The following RTL4 variants were observed in gnomAD, a reference collection of about 807,000 sequenced individuals.
RTL4 encodes the protein retrotransposon Gag like 4.
Under a neutral mutation model 5.3 loss-of-function variants are expected in RTL4, and 4 were observed. That is an observed-to-expected ratio of 0.75 (90% CI 0.37 to 1.72). The LOEUF is 1.72. RTL4 is among the 40% of genes most tolerant of loss of function. The probability of loss-of-function intolerance (pLI) is 0.04; values close to 1 mark genes in which losing one functional copy is unlikely to be tolerated. For missense variants in RTL4, 260 were observed against 227.1 expected, an observed-to-expected ratio of 1.14 and a Z score of -0.93; for synonymous variants, 98 against 87.3, an observed-to-expected ratio of 1.12 and a Z score of -0.68.
the RTL4 span, among the ~76,000 whole-genome samples, chrX:112,145,046 A>G: frequency 2.7e-5 from 3 of 110,345 alleles, no homozygotes; most frequent in African/African-American, 9.9e-5. Flanking sequence ...CATCAGACCT[A>G]TTATCCTGAA....
chrX:112,375,677 G>T, the RTL4 span, among the ~76,000 whole-genome samples: 1 of 111,590 alleles, frequency 9.0e-6, no homozygotes. Context: ...AAACTTCTCT[G>T]CTGGACTGTC....
the RTL4 span, among the ~76,000 whole-genome samples, chrX:112,154,123 C>T: frequency 1.8e-5 from 2 of 110,917 alleles, no homozygotes; most frequent in African/African-American, 6.5e-5. Context: ...GATGCTGAGC[C>T]CTCTAGTGAA....
At chrX:112,134,397 C>G in the RTL4 span, among the ~76,000 whole-genome samples, 10 of 112,242 alleles carry the variant, frequency 8.9e-5, no homozygotes, top group African/African-American at 2.9e-4. Context: ...TCCTTACTCC[C>G]ATGATTTTAA....
At chrX:112,192,302 G>A in the RTL4 span, among the ~76,000 whole-genome samples, 23 of 110,375 alleles carry the variant, frequency 2.1e-4, no homozygotes, top group East Asian at 6.6e-3. Flanking sequence ...ATGTTGAGTA[G>A]AAATGATGAG....
the RTL4 span, among the ~76,000 whole-genome samples, chrX:112,240,694 A>G: frequency 1.2e-4 from 13 of 111,340 alleles, no homozygotes; most frequent in African/African-American, 3.9e-4. Context: ...ATTTTATTAT[A>G]CTTTAAGTTC....
At chrX:112,342,544 C>T in the RTL4 span, among the ~76,000 whole-genome samples, 4 of 82,030 alleles carry the variant, frequency 4.9e-5, no homozygotes, top group African/African-American at 1.3e-4. Context: ...TTGAACATCT[C>T]CAGGGAAAGC....
At chrX:112,190,144 CTTTCTTT>C in the RTL4 span, among the ~76,000 whole-genome samples, 1 of 28,706 alleles carries the variant, frequency 3.5e-5, no homozygotes, top group African/African-American at 1.7e-4. Flanking sequence ...CTGTCCCTTT[CTTTCTTT>C]CTTTCTTTCT....
the RTL4 span, among the ~76,000 whole-genome samples, chrX:112,368,628 T>C: frequency 9.1e-6 from 1 of 110,489 alleles, no homozygotes; most frequent in South Asian, 3.9e-4. Flanking sequence ...CGACGATGCA[T>C]AGGGTAACCT....
chrX:112,240,555 G>A, the RTL4 span, among the ~76,000 whole-genome samples: 2 of 111,779 alleles, frequency 1.8e-5, no homozygotes, highest in African/African-American at 6.5e-5. Flanking sequence ...ATTGAATACT[G>A]TACTGAAAGT....
At chrX:112,288,440 T>C in the RTL4 span, among the ~76,000 whole-genome samples, 1 of 112,079 alleles carries the variant, frequency 8.9e-6, no homozygotes, top group South Asian at 3.7e-4. Context: ...TATGGCTTGT[T>C]TGTAGCAGTT....
the RTL4 span, among the ~76,000 whole-genome samples, chrX:112,273,532 G>A: frequency 8.9e-6 from 1 of 111,784 alleles, no homozygotes; most frequent in Non-Finnish European, 1.9e-5. Context: ...GATTACAGGC[G>A]TGAGCTACCG....
the RTL4 span, among the ~76,000 whole-genome samples, chrX:112,286,335 G>A: frequency 8.9e-6 from 1 of 111,941 alleles, no homozygotes; most frequent in Non-Finnish European, 1.9e-5. Context: ...AGGTAGCCAG[G>A]AGCCAGATCA....
At chrX:112,241,379 G>A in the RTL4 span, among the ~76,000 whole-genome samples, 3 of 111,182 alleles carry the variant, frequency 2.7e-5, no homozygotes, top group Admixed American at 9.6e-5. Flanking sequence ...TTTAATGATC[G>A]CCATTCTAAC....
At chrX:112,288,966 G>A in the RTL4 span, among the ~76,000 whole-genome samples, 4 of 111,801 alleles carry the variant, frequency 3.6e-5, no homozygotes, top group Non-Finnish European at 5.6e-5. Context: ...TGGACAGTCT[G>A]TATCCCTGGT....
chrX:112,153,176 C>T, the RTL4 span, among the ~76,000 whole-genome samples: 1 of 111,920 alleles, frequency 8.9e-6, no homozygotes, highest in African/African-American at 3.2e-5. Context: ...ATATTCTGTC[C>T]AAGTTTCTAA....
chrX:112,233,748 G>A, the RTL4 span, among the ~76,000 whole-genome samples: 3 of 111,070 alleles, frequency 2.7e-5, no homozygotes, highest in East Asian at 8.5e-4. Context: ...GAGTTGTAGT[G>A]CCTTCCTCAC....
the RTL4 span, among the ~76,000 whole-genome samples, chrX:112,270,978 C>A: frequency 1.5e-4 from 15 of 98,697 alleles, no homozygotes; most frequent in Admixed American, 4.9e-4. Context: ...AGTAAAGAAG[C>A]ACAGTCAAGA....
At chrX:112,309,384 C>T in the RTL4 span, among the ~76,000 whole-genome samples, 1 of 111,282 alleles carries the variant, frequency 9.0e-6, no homozygotes, top group Non-Finnish European at 1.9e-5. Flanking sequence ...CCCCAAAGCT[C>T]CATCTTCAAA....
chrX:112,359,538 A>AG, the RTL4 span, among the ~76,000 whole-genome samples: 36,407 of 109,891 alleles, frequency 0.33, 5,916 homozygotes, highest in African/African-American at 0.62. Flanking sequence ...TACCTTCTCA[A>AG]GTACTTTTAT....
Sources: allele counts gnomAD v4.1 joint callset (sites outside exome capture counted in the v4.1 genomes callset), GRCh38; gene constraint gnomAD v4.1.1; transcripts MANE v1.5; gene names NCBI Gene and HGNC (gene_info 2026-07-23, HGNC 2026-07-21).